SPHKAP: variants seen among roughly 807,000 people sequenced by gnomAD.
The protein encoded by SPHKAP is SPHK1 interactor, AKAP domain containing.
SPHKAP carries 67 observed loss-of-function variants against 137.5 expected under a neutral mutation model. The ratio of observed to expected loss-of-function variants is 0.49; its 90% confidence interval spans 0.40 to 0.60. The LOEUF (loss-of-function observed/expected upper bound fraction) is 0.60, where lower values mean the gene tolerates loss of function less well. Ranked by LOEUF, SPHKAP falls within the 20% of genes least tolerant of loss-of-function variation. SPHKAP has a pLI of 0.00. For synonymous variants in SPHKAP, 813 were observed against 785.3 expected (o/e 1.04, Z -0.59); for missense variants, 2,097 against 2,069.3 (o/e 1.01, Z -0.26).
chr2:227,991,228 G>A (rs1480059999), intron 10 of SPHKAP, 44 bp from the exon 11 acceptor site: 8 of 1,614,060 alleles, frequency 5.0e-6, no homozygotes, highest in Non-Finnish European at 6.8e-6. Flanking sequence ...TTTCCAAAGG[G>A]ACAGCCCAGG....
At chr2:228,080,313 T>C (rs1026983075) in intron 3 of SPHKAP, among the ~76,000 whole-genome samples, 3 of 152,030 alleles carry the variant, frequency 2.0e-5, no homozygotes, top group Non-Finnish European at 2.9e-5. Context: ...AATTGACAAA[T>C]AATATAAATA....
chr2:227,982,051 A>T (rs1693017488), intron 11 of SPHKAP, 191 bp from the exon 12 acceptor site: 18 of 943,358 alleles, frequency 1.9e-5, no homozygotes, highest in South Asian at 1.5e-4. Context: ...CATCAAGTGA[A>T]TTTTTTTTTT....
At chr2:228,156,538 C>T (rs1700112846) in intron 1 of SPHKAP, among the ~76,000 whole-genome samples, 1 of 152,170 alleles carries the variant, frequency 6.6e-6, no homozygotes, top group Non-Finnish European at 1.5e-5. Context: ...TCAGAAAGAA[C>T]ATAATCCTTT....
rs778926666 is a variant in SPHKAP at position 228,016,799 on chromosome 2, G to A, written c.4055C>T (p.Ala1352Val). ...SQAEKCANRL[A>V]ASRMCSGPTL... is the part of the protein sequence containing the mutation. ...TGGCCCACTGCACATCCTGCTCGCAGCTAATCTATTTGCACACTTCTCTGC... is the reference window on the plus strand; with the variant it reads ...TGGCCCACTGCACATCCTGCTCGCAACTAATCTATTTGCACACTTCTCTGC... The change falls in exon 7 of 12, where the codon GCT becomes GTT. Residue 1352 changes from alanine to valine, a missense_variant. Transcript: ENST00000392056. The A allele has an allele frequency of 1.1e-5, 18 of 1,613,938 alleles. No homozygotes were observed. The East Asian group carries it at 3.8e-4, about 34-fold the overall frequency.
rs776329075 is a variant in SPHKAP at position 228,019,428 on chromosome 2, A to G, written c.1426T>C (p.Ser476Pro). The G allele has an allele frequency of 9.9e-6, 16 of 1,614,038 alleles. No individual in the cohort carries two copies. The highest frequency in any genetic ancestry group is 1.4e-5 in the Non-Finnish European group (16 of 1,180,036). The change falls in exon 7 of 12, where the codon TCT (serine) becomes CCT (proline). Residue 476 changes from serine (S) to proline (P), a missense_variant. Physicochemically the swap from Ser to Pro is moderately conservative, Grantham distance 74. Transcript: ENST00000392056. The stretch of plus-strand genomic sequence containing the variant: ...GAGAGGATGCTTGAGGTTTCAACAG[A>G]GACTTCCATCTCAGGCCAGGAGGAG... ...GISSWPEMEV[S>P]VETSSILSGE...
Position 228,036,507 on chromosome 2 carries a change from A to C in SPHKAP, c.247-8964T>G, listed in dbSNP as rs556702414. Among the ~76,000 whole-genome samples, 48 of 152,336 alleles carry C rather than the reference A, an allele frequency of 3.2e-4. No homozygotes were observed. In the South Asian group the frequency reaches 9.9e-3, roughly 32 times the overall value. On this transcript the variant is annotated intron_variant, in intron 3 of 11. Transcript: ENST00000392056. ...TCAGGGATCTAGAACTAGAAATACC[A>C]TTTGACTCAGCCATCCCATTACTGG... is the stretch of plus-strand genomic sequence containing the variant.
chr2:228,088,467 G>C (rs1272883014), intron 3 of SPHKAP, among the ~76,000 whole-genome samples: 1 of 152,030 alleles, frequency 6.6e-6, no homozygotes, highest in African/African-American at 2.4e-5. Context: ...TGTTACACTA[G>C]AAAATATTCA....
chr2:228,124,027 C>T (rs183903663), intron 2 of SPHKAP, among the ~76,000 whole-genome samples: 31 of 151,764 alleles, frequency 2.0e-4, no homozygotes, highest in African/African-American at 5.8e-4. Context: ...ATCAAAACCA[C>T]GATGAGATAC....
intron 2 of SPHKAP, among the ~76,000 whole-genome samples, chr2:228,123,842 G>A (rs955131027): frequency 3.3e-5 from 5 of 152,034 alleles, no homozygotes; most frequent in Non-Finnish European, 7.4e-5. Flanking sequence ...ATCTGACAAA[G>A]GGCTAATATC....
chr2:228,172,494 G>A (rs746554330), intron 1 of SPHKAP, among the ~76,000 whole-genome samples: 1 of 152,130 alleles, frequency 6.6e-6, no homozygotes, highest in Non-Finnish European at 1.5e-5. Context: ...GTTAGGTAGT[G>A]ATAAGGGTCT....
intron 1 of SPHKAP, among the ~76,000 whole-genome samples, chr2:228,177,532 A>G (rs1574923277): frequency 2.0e-5 from 3 of 152,350 alleles, no homozygotes; most frequent in South Asian, 4.1e-4. Context: ...AGTTTTTCAT[A>G]AATAGGACAA....
At chr2:228,139,178 A>C (rs555970326) in intron 1 of SPHKAP, among the ~76,000 whole-genome samples, 1 of 152,324 alleles carries the variant, frequency 6.6e-6, no homozygotes, top group African/African-American at 2.4e-5. Context: ...AAATATCAAC[A>C]GCGGAAAAAT....
chr2:228,085,076 T>C (rs919870635), intron 3 of SPHKAP, among the ~76,000 whole-genome samples: 1 of 152,168 alleles, frequency 6.6e-6, no homozygotes, highest in African/African-American at 2.4e-5. Flanking sequence ...GTAAAATGTA[T>C]ACATAAAGGC....
chr2:227,982,143 G>A (rs1693023833), intron 11 of SPHKAP: 1 of 982,912 alleles, frequency 1.0e-6, no homozygotes. Context: ...TTAAGAGCCA[G>A]TCTTTTAGAT....
In SPHKAP at chr2:228,142,986, C is replaced by T. The variant is rs76667100; in HGVS notation, c.33-10901G>A. Reference sequence around the variant, plus strand: ...GCCTATTAGTCAGCCATGCTTTCCACGAGGAATCTATTTTAGATGATAGAC... The same window carrying T: ...GCCTATTAGTCAGCCATGCTTTCCATGAGGAATCTATTTTAGATGATAGAC... On this transcript the variant is annotated intron_variant, in intron 1 of 11. Coordinates refer to ENST00000392056, the MANE Select transcript of SPHKAP (RefSeq NM_001142644.2). Among the ~76,000 whole-genome samples, 435 of 152,088 alleles carry T rather than the reference C, an allele frequency of 2.9e-3. 3 individuals carry two copies. Among genetic ancestry groups the T allele is most frequent in the African/African-American group, 0.01 (416 of 41,466 alleles).
At chr2:228,108,012 T>A (rs1215939780) in intron 3 of SPHKAP, among the ~76,000 whole-genome samples, 1 of 152,210 alleles carries the variant, frequency 6.6e-6, no homozygotes, top group African/African-American at 2.4e-5. Context: ...AAAGCCTTGC[T>A]ATCCCATATT....
intron 3 of SPHKAP, among the ~76,000 whole-genome samples, chr2:228,065,168 C>A (rs1696785717): frequency 6.6e-6 from 1 of 152,156 alleles, no homozygotes; most frequent in Non-Finnish European, 1.5e-5. Flanking sequence ...CAAGGGAAAC[C>A]AACACAGCCA....
chr2:228,155,165 A>G (rs980769945), intron 1 of SPHKAP, among the ~76,000 whole-genome samples: 4 of 152,034 alleles, frequency 2.6e-5, no homozygotes, highest in African/African-American at 9.6e-5. Flanking sequence ...GGACCAGTAC[A>G]TCTGTTTAAT....
intron 6 of SPHKAP, among the ~76,000 whole-genome samples, chr2:228,020,483 C>T (rs2106218050): frequency 6.6e-6 from 1 of 152,278 alleles, no homozygotes; most frequent in Non-Finnish European, 1.5e-5. Context: ...AAACCAAACA[C>T]CGCATGTTCT....
Sources: allele counts gnomAD v4.1 joint callset (sites outside exome capture counted in the v4.1 genomes callset), GRCh38; gene constraint gnomAD v4.1.1; transcripts MANE v1.5; gene names NCBI Gene and HGNC (gene_info 2026-07-23, HGNC 2026-07-21).